HM13: variants seen among roughly 807,000 people sequenced by gnomAD.
HM13 encodes the protein histocompatibility minor 13, also known as signal peptide peptidase.
Under a neutral mutation model 50.0 loss-of-function variants are expected in HM13, and 18 were observed. That is an observed-to-expected ratio of 0.36 (90% CI 0.25 to 0.53). HM13 has a LOEUF of 0.53. Ranked by LOEUF, HM13 falls within the 20% of genes least tolerant of loss-of-function variation. HM13 has a pLI of 0.90. For synonymous variants in HM13, 197 were observed against 232.6 expected (o/e 0.85, Z 1.39); for missense variants, 393 against 552.4 (o/e 0.71, Z 2.89).
intron 2 of HM13, among the ~76,000 whole-genome samples, chr20:31,529,945 G>A (rs1236423935): frequency 2.0e-5 from 3 of 151,474 alleles, no homozygotes; most frequent in Non-Finnish European, 4.4e-5. Flanking sequence ...TCAGCCTGGC[G>A]ACACAGCGAG....
intron 1 of HM13, among the ~76,000 whole-genome samples, chr20:31,521,288 A>G (rs1383926129): frequency 3.3e-5 from 5 of 152,224 alleles, no homozygotes; most frequent in Non-Finnish European, 7.3e-5. Flanking sequence ...GAAATCTTCT[A>G]GGAAACAGCT....
intron 3 of HM13, among the ~76,000 whole-genome samples, chr20:31,543,204 C>T (rs1200765361): frequency 6.6e-6 from 1 of 152,232 alleles, no homozygotes; most frequent in Non-Finnish European, 1.5e-5. Flanking sequence ...TCACAAAGCC[C>T]TCCCATCATT....
At chr20:31,551,988 T>C (rs1473791356) in intron 7 of HM13, among the ~76,000 whole-genome samples, 1 of 151,842 alleles carries the variant, frequency 6.6e-6, no homozygotes, top group Non-Finnish European at 1.5e-5. Context: ...TGGAGGATCG[T>C]GATGGACAGG....
chr20:31,542,737 T>C (rs1032821911), intron 3 of HM13, among the ~76,000 whole-genome samples: 2 of 152,168 alleles, frequency 1.3e-5, no homozygotes, highest in Non-Finnish European at 2.9e-5. Flanking sequence ...ATCTAGAGAC[T>C]TGCTACTTGA....
intron 1 of HM13, among the ~76,000 whole-genome samples, chr20:31,524,659 A>T (rs1982376299): frequency 6.6e-6 from 1 of 151,412 alleles, no homozygotes; most frequent in Non-Finnish European, 1.5e-5. Context: ...GAGTGAGAAT[A>T]AAGACTTTTT....
At chr20:31,561,496 C>T in intron 9 of HM13, 138 bp from the exon 10 acceptor site, 1 of 664,434 alleles carries the variant, frequency 1.5e-6, no homozygotes, top group Non-Finnish European at 2.8e-6. Context: ...GCGTGCACAC[C>T]CACCTCCAGA....
intron 1 of HM13, among the ~76,000 whole-genome samples, chr20:31,523,923 C>A (rs1056059478): frequency 1.3e-5 from 2 of 152,166 alleles, no homozygotes. Context: ...GGGAGGGTCT[C>A]CCTTCCAGCC....
intron 1 of HM13, among the ~76,000 whole-genome samples, chr20:31,520,930 T>A (rs945324810): frequency 6.6e-6 from 1 of 152,196 alleles, no homozygotes; most frequent in African/African-American, 2.4e-5. Flanking sequence ...ACCGTGCCAA[T>A]GGCTTGAAGC....
intron 4 of HM13, among the ~76,000 whole-genome samples, chr20:31,545,753 G>C (rs1983678468): frequency 1.3e-5 from 2 of 152,210 alleles, no homozygotes; most frequent in Non-Finnish European, 2.9e-5. Flanking sequence ...TTGAGACAGA[G>C]TCTTGTTCTG....
chr20:31,514,545 C>T lies in HM13; in HGVS notation c.-7C>T, dbSNP rs1981641922. ...AGCTGGAGTCGGATCCCGAACGCAC[C>T]CTCGCCATGGACTCGGCCCTCAGCG... is the stretch of plus-strand genomic sequence containing the variant. On this transcript the variant is annotated 5_prime_UTR_variant, in exon 1 of 13. Transcript: ENST00000398174. This position sits in a 1 kb window ranked among gnomAD's most constrained non-coding sequence, Gnocchi z 4.3. 6.2e-7 allele frequency: 1 copy of T among 1,603,508 alleles called. No homozygotes were observed. The highest frequency in any genetic ancestry group is 8.5e-7 in the Non-Finnish European group (1 of 1,177,050).
At chr20:31,553,991 T>C (rs1041081876) in intron 7 of HM13, among the ~76,000 whole-genome samples, 1 of 152,104 alleles carries the variant, frequency 6.6e-6, no homozygotes, top group African/African-American at 2.4e-5. Flanking sequence ...AAGGGTTCAA[T>C]AGCTATAAAA....
At chr20:31,566,029 G>A (rs1330565795) in intron 10 of HM13, 181 bp from the exon 11 acceptor site, 38 of 490,190 alleles carry the variant, frequency 7.8e-5, no homozygotes, top group Non-Finnish European at 1.2e-4. Flanking sequence ...ATTCCCTCTC[G>A]GGAGGAGCAA....
intron 1 of HM13, among the ~76,000 whole-genome samples, chr20:31,522,968 G>A (rs151089906): frequency 4.0e-5 from 6 of 149,658 alleles, no homozygotes; most frequent in South Asian, 2.1e-4. Context: ...TGTTCATACT[G>A]TGTGTCACAG....
chr20:31,554,913 C>T (rs1476597693), intron 8 of HM13, 84 bp downstream of exon 8: 1 of 1,126,466 alleles, frequency 8.9e-7, no homozygotes, highest in African/African-American at 1.5e-5. Context: ...AACAGACAGG[C>T]TTACCAGCTG....
intron 1 of HM13, among the ~76,000 whole-genome samples, chr20:31,521,635 A>G (rs1253584310): frequency 2.0e-5 from 3 of 151,506 alleles, no homozygotes; most frequent in Non-Finnish European, 4.4e-5. Context: ...AGGCTGAGAC[A>G]TGAGAATTGC....
intron 1 of HM13, among the ~76,000 whole-genome samples, chr20:31,521,829 A>G (rs1982180111): frequency 6.8e-6 from 1 of 146,866 alleles, no homozygotes; most frequent in Non-Finnish European, 1.5e-5. Flanking sequence ...TATTACTATT[A>G]TCGTCAGATT....
At chr20:31,568,327 C>T in intron 12 of HM13, 103 bp downstream of exon 12, 1 of 1,426,860 alleles carries the variant, frequency 7.0e-7, no homozygotes. Flanking sequence ...GGACCATTGC[C>T]AGGAGTAGGC....
intron 3 of HM13, chr20:31,539,129 C>T (rs941721423): frequency 2.0e-6 from 2 of 985,306 alleles, no homozygotes; most frequent in Non-Finnish European, 2.4e-6. Context: ...GAGAGTGGTT[C>T]ATTAGAGGGG....
intron 7 of HM13, 42 bp downstream of exon 7, chr20:31,550,163 CT>C (rs1388779734): frequency 6.7e-7 from 1 of 1,497,186 alleles, no homozygotes; most frequent in Non-Finnish European, 9.3e-7. Flanking sequence ...TCCCCCACCC[CT>C]GCCGGGCCAT....
Sources: allele counts gnomAD v4.1 joint callset (sites outside exome capture counted in the v4.1 genomes callset), GRCh38; gene constraint gnomAD v4.1.1; non-coding constraint Gnocchi (gnomAD v3.1); transcripts MANE v1.5; gene names NCBI Gene and HGNC (gene_info 2026-07-23, HGNC 2026-07-21).